The following PAM variants were observed in gnomAD, a reference collection of about 807,000 sequenced individuals.
The protein encoded by PAM is peptidyl-glycine alpha-amidating monooxygenase.
PAM carries 72 observed loss-of-function variants against 122.1 expected under a neutral mutation model. The observed-to-expected ratio is 0.59, with a 90% CI of 0.49 to 0.72. The LOEUF is 0.72. Ranked by LOEUF, PAM falls within the 30% of genes least tolerant of loss-of-function variation. The pLI, the probability that PAM is intolerant of heterozygous loss-of-function variation, is 0.00. For synonymous variants in PAM, 389 were observed against 404.4 expected (o/e 0.96, Z 0.46); for missense variants, 1,106 against 1,183.7 (o/e 0.93, Z 0.96).
intron 1 of PAM, among the ~76,000 whole-genome samples, chr5:102,815,326 G>T (rs766829134): frequency 2.0e-5 from 3 of 152,054 alleles, no homozygotes; most frequent in Non-Finnish European, 2.9e-5. Context: ...TTGGGATTTT[G>T]GAATCGTGTT....
At chr5:102,812,713 G>A (rs1768329937) in intron 1 of PAM, among the ~76,000 whole-genome samples, 1 of 151,992 alleles carries the variant, frequency 6.6e-6, no homozygotes, top group Non-Finnish European at 1.5e-5. Context: ...TTATGAGATT[G>A]ATTTGTCAAT....
At chr5:103,028,103 C>T (rs1785502221) in intron 24 of PAM, 82 bp from the exon 25 acceptor site, 1 of 1,024,638 alleles carries the variant, frequency 9.8e-7, no homozygotes, top group Non-Finnish European at 1.5e-6. Flanking sequence ...TTACCAGTTC[C>T]TATTTTAAGT....
At chr5:102,971,613 T>C (rs1033604173) in intron 14 of PAM, among the ~76,000 whole-genome samples, 5 of 152,118 alleles carry the variant, frequency 3.3e-5, no homozygotes, top group African/African-American at 1.2e-4. Flanking sequence ...AAACAATATC[T>C]TCTTAGAGTT....
At chr5:102,978,437 T>G (rs1375894832) in intron 15 of PAM, among the ~76,000 whole-genome samples, 1 of 152,164 alleles carries the variant, frequency 6.6e-6, no homozygotes, top group African/African-American at 2.4e-5. Context: ...AAACAAAATC[T>G]TAGGTATCTT....
At chr5:102,908,846 T>C (rs746382958) in intron 4 of PAM, among the ~76,000 whole-genome samples, 6 of 151,704 alleles carry the variant, frequency 4.0e-5, no homozygotes, top group Admixed American at 4.0e-4. Flanking sequence ...CAGGAGATAA[T>C]GTAATATGCC....
intron 1 of PAM, among the ~76,000 whole-genome samples, chr5:102,827,537 CTTACT>C (rs1774033339): frequency 6.6e-6 from 1 of 151,946 alleles, no homozygotes; most frequent in South Asian, 2.1e-4. Flanking sequence ...TTAAAATATT[CTTACT>C]TTAAGAAAAT....
chr5:102,923,385 C>T (rs1404558224), intron 5 of PAM, among the ~76,000 whole-genome samples: 1 of 152,166 alleles, frequency 6.6e-6, no homozygotes, highest in Non-Finnish European at 1.5e-5. Context: ...CCATCCAGGT[C>T]AGGGGCAGTG....
chr5:102,777,803 C>T (rs1213661946), intron 1 of PAM, among the ~76,000 whole-genome samples: 4 of 152,064 alleles, frequency 2.6e-5, no homozygotes, highest in Admixed American at 2.0e-4. Flanking sequence ...TTTTAATTTT[C>T]CCTACAAAGC....
At chr5:102,906,538 G>A (rs1799608008) in intron 4 of PAM, among the ~76,000 whole-genome samples, 1 of 151,628 alleles carries the variant, frequency 6.6e-6, no homozygotes, top group Admixed American at 6.6e-5. Context: ...CTCTGAGCCA[G>A]AACACTCCAC....
chr5:103,017,440 T>TGG lies in PAM; in HGVS notation c.2431+7_2431+8insGG. On this transcript the variant is annotated splice_region_variant and intron_variant, in intron 22 of 25. Coordinates refer to ENST00000438793, the MANE Select transcript of PAM (RefSeq NM_001177306.2). Reference sequence around the variant, plus strand: ...AAGTTCACCTTGACTGAGAGTATGGTTTTCACAGTATTATTGTTCACATTT... The same window carrying TGG: ...AAGTTCACCTTGACTGAGAGTATGGTGGTTTCACAGTATTATTGTTCACATTT... The TGG allele has an allele frequency of 1.3e-6, 2 of 1,514,028 alleles. No individual in the cohort carries two copies. Among genetic ancestry groups the TGG allele is most frequent in the Non-Finnish European group, 1.8e-6 (2 of 1,089,142 alleles). 93.8% of individuals were successfully genotyped at this position (1,514,028 alleles called of 1,614,324 possible).
chr5:102,856,046 C>G (rs1408062332), intron 1 of PAM, among the ~76,000 whole-genome samples: 2 of 152,028 alleles, frequency 1.3e-5, no homozygotes, highest in South Asian at 2.1e-4. Flanking sequence ...TTTGACATTA[C>G]TCGCAAACTA....
At chr5:102,823,187 A>G (rs1233612667) in intron 1 of PAM, among the ~76,000 whole-genome samples, 2 of 152,130 alleles carry the variant, frequency 1.3e-5, no homozygotes, top group Non-Finnish European at 2.9e-5. Flanking sequence ...GGCTTTAGCT[A>G]ACACTTCAGA....
intron 12 of PAM, among the ~76,000 whole-genome samples, chr5:102,954,063 G>T (rs1484709661): frequency 6.6e-6 from 1 of 151,826 alleles, no homozygotes; most frequent in Non-Finnish European, 1.5e-5. Context: ...AAAAAAGATA[G>T]GTAAGCAAAG....
chr5:102,912,556 A>G (rs967217659), intron 4 of PAM, among the ~76,000 whole-genome samples: 3 of 151,962 alleles, frequency 2.0e-5, no homozygotes, highest in African/African-American at 7.2e-5. Context: ...CTATAGATAT[A>G]GAATCCTTCT....
chr5:102,937,399 G>A (rs1007504496), intron 7 of PAM, among the ~76,000 whole-genome samples: 2 of 152,172 alleles, frequency 1.3e-5, no homozygotes, highest in African/African-American at 2.4e-5. Flanking sequence ...TGGCAAGAAG[G>A]TAACATTCAA....
At chr5:103,027,348 T>C (rs1399924450) in intron 24 of PAM, among the ~76,000 whole-genome samples, 1 of 152,176 alleles carries the variant, frequency 6.6e-6, no homozygotes, top group African/African-American at 2.4e-5. Flanking sequence ...CTCCCTTTCC[T>C]CTCATCTGCG....
chr5:102,789,122 G>A (rs1431718214), intron 1 of PAM, among the ~76,000 whole-genome samples: 1 of 152,044 alleles, frequency 6.6e-6, no homozygotes, highest in East Asian at 1.9e-4. Flanking sequence ...TTTAATTTGG[G>A]TTTTAAAAGC....
chr5:102,989,831 G>GATAGATAGATAT (rs1773484134), intron 15 of PAM: 1 of 152,204 alleles, frequency 6.6e-6, no homozygotes, highest in South Asian at 2.1e-4. Context: ...TAGATAGATA[G>GATAGATAGATAT]ATAGATGAGG....
intron 6 of PAM, 60 bp from the exon 7 acceptor site, chr5:102,926,525 G>T (rs1366119050): frequency 1.1e-6 from 1 of 905,670 alleles, no homozygotes; most frequent in African/African-American, 1.6e-5. Flanking sequence ...ACAGCAATTT[G>T]AGATTAACTC....
Sources: allele counts gnomAD v4.1 joint callset (sites outside exome capture counted in the v4.1 genomes callset), GRCh38; gene constraint gnomAD v4.1.1; transcripts MANE v1.5; gene names NCBI Gene and HGNC (gene_info 2026-07-23, HGNC 2026-07-21).